NELFB: variants seen among roughly 807,000 people sequenced by gnomAD.
NELFB encodes the protein negative elongation factor complex member B.
In NELFB, 34 loss-of-function variants were observed where a neutral mutation model predicts 60.2. The observed-to-expected ratio is 0.56, with a 90% CI of 0.43 to 0.75. The LOEUF is 0.75. Among genes scored for constraint, NELFB ranks in the 30% least tolerant of loss-of-function variants. The pLI is 0.00. For synonymous variants in NELFB, 459 were observed against 382.1 expected (o/e 1.20, Z -2.35); for missense variants, 770 against 831.6 (o/e 0.93, Z 0.91).
At position 137,256,861 on chromosome 9, in the gene NELFB, A is replaced by G; in HGVS notation, c.548A>G (p.Lys183Arg). The G allele has an allele frequency of 3.1e-6, 5 of 1,614,164 alleles. No homozygotes were observed. The highest frequency in any genetic ancestry group is 4.2e-6 in the Non-Finnish European group (5 of 1,180,024). ...AAACTGAAGCTGGTTATGGCTGACA[A>G]GGAGCTGTATCGAGCCTGCGCCGTG... The change falls in exon 4 of 13, where the codon AAG becomes AGG. Residue 183 changes from lysine (K) to arginine (R), a missense_variant. Lys to Arg is a conservative substitution (Grantham distance 26, BLOSUM62 2). Transcript: ENST00000343053.
intron 5 of NELFB, among the ~76,000 whole-genome samples, chr9:137,263,637 T>G (rs1830483587): frequency 6.6e-6 from 1 of 151,682 alleles, no homozygotes; most frequent in Admixed American, 6.6e-5. Flanking sequence ...TGCTGGCCCT[T>G]TGGCTTCTCT....
chr9:137,260,210 C>A (rs1298613032), intron 4 of NELFB, among the ~76,000 whole-genome samples: 1 of 150,266 alleles, frequency 6.7e-6, no homozygotes, highest in Non-Finnish European at 1.5e-5. Context: ...CCACCACGCC[C>A]AGCTATGTTT....
Position 137,272,803 on chromosome 9 carries a change from C to T in NELFB, c.1762C>T (p.Leu588Phe). The stretch of plus-strand genomic sequence containing the variant: ...GCAGAGCGGAGAGGCAGTGAAGGAG[C>T]TTTACTCCCAGCTCGGCGAGAAGCT... The change falls in exon 13 of 13, where the codon CTT (leucine) becomes TTT (phenylalanine). Residue 588 changes from leucine (L) to phenylalanine (F), a missense_variant. By Grantham distance (22) the Leu-to-Phe change is conservative. Coordinates refer to ENST00000343053, the MANE Select transcript of NELFB (RefSeq NM_015456.5). 6.5e-7 allele frequency: 1 copy of T among 1,549,620 alleles called. No homozygotes were observed. The highest frequency in any genetic ancestry group is 8.7e-7 in the Non-Finnish European group (1 of 1,146,400).
rs368933503 is a variant in NELFB at position 137,265,803 on chromosome 9, C to T, written c.1041-74C>T. 824 of 982,370 alleles carry T rather than the reference C, an allele frequency of 8.4e-4. 4 individuals carry two copies. The African/African-American group carries it at 0.011, about 13-fold the overall frequency. The allele number at this position is 982,370 out of a possible 1,614,324, so 60.9% of individuals were successfully genotyped here. On this transcript the variant is annotated intron_variant, in intron 6 of 12. Coordinates refer to ENST00000343053, the MANE Select transcript of NELFB (RefSeq NM_015456.5). ...CCAGTCCTGAATTCAGCCTAGGCCA[C>T]CCCTCCTGAGGACTGTGCCGCTGAA...
At chr9:137,262,358 C>G (rs1036341801) in intron 4 of NELFB, among the ~76,000 whole-genome samples, 1 of 152,228 alleles carries the variant, frequency 6.6e-6, no homozygotes, top group Admixed American at 6.5e-5. Flanking sequence ...TTCCCAGATG[C>G]TGGCGTCACC....
At position 137,263,206 on chromosome 9, in the gene NELFB, T is replaced by G; in HGVS notation, c.911T>G (p.Val304Gly). The stretch of plus-strand genomic sequence containing the variant: ...CTGGACGTGGGTGAAATCTGCACCG[T>G]GGACCCGTGCCACAAGGTAGCACTG... Residue 304 changes from valine to glycine, a missense_variant, in exon 5 of 13, where the codon GTG (valine) becomes GGG (glycine). Physicochemically the swap from Val to Gly is moderately radical, Grantham distance 109 (BLOSUM62 -3). Transcript: ENST00000343053. 1 of 1,611,810 alleles carries G rather than the reference T, an allele frequency of 6.2e-7. No individual in the cohort carries two copies.
At chr9:137,268,313 C>T (rs1171232842) in intron 10 of NELFB, among the ~76,000 whole-genome samples, 3 of 152,092 alleles carry the variant, frequency 2.0e-5, no homozygotes, top group East Asian at 1.9e-4. Context: ...CGGCCGGGCA[C>T]GGTGGCTCAG....
chr9:137,259,085 G>A (rs760944558), intron 4 of NELFB, among the ~76,000 whole-genome samples: 30 of 152,186 alleles, frequency 2.0e-4, no homozygotes, highest in Non-Finnish European at 4.0e-4. Flanking sequence ...CAACTACTCA[G>A]GAGGCTGAAG....
chr9:137,266,000 C>T (rs1300702734), intron 7 of NELFB, 21 bp downstream of exon 7: 4 of 1,570,952 alleles, frequency 2.5e-6, no homozygotes, highest in Non-Finnish European at 1.8e-6. Flanking sequence ...GCTTGGCCAG[C>T]AGCTGTCGGG....
chr9:137,272,606 T>G lies in NELFB; in HGVS notation c.1731T>G (p.Pro577=). Residue 577 remains proline (P), a synonymous_variant, in exon 12 of 13, where the codon CCT becomes CCG. Transcript: ENST00000343053. The stretch of plus-strand genomic sequence containing the variant: ...AGGCGTTGCAGAAGGCCCTGGAGCC[T>G]ACAGGCCAGGTGGGTGCCCGGGGGG... 6.3e-7 allele frequency: 1 copy of G among 1,598,860 alleles called. No individual in the cohort carries two copies. Among genetic ancestry groups the G allele is most frequent in the Non-Finnish European group, 8.5e-7 (1 of 1,173,356 alleles).
At chr9:137,259,687 A>G (rs1830402453) in intron 4 of NELFB, among the ~76,000 whole-genome samples, 1 of 149,340 alleles carries the variant, frequency 6.7e-6, no homozygotes, top group African/African-American at 2.4e-5. Flanking sequence ...GTTTTATTTT[A>G]CTACTTTTTA....
chr9:137,270,002 G>A (rs957303252), intron 10 of NELFB, among the ~76,000 whole-genome samples: 14 of 152,154 alleles, frequency 9.2e-5, no homozygotes, highest in Non-Finnish European at 2.1e-4. Flanking sequence ...GGGAATTTGT[G>A]AAAGAATACG....
intron 10 of NELFB, among the ~76,000 whole-genome samples, chr9:137,270,372 C>T (rs1830569608): frequency 6.6e-6 from 1 of 151,572 alleles, no homozygotes; most frequent in African/African-American, 2.4e-5. Context: ...GGGTGGATCA[C>T]CTGAGGTCAG....
intron 1 of NELFB, 92 bp from the exon 2 acceptor site, chr9:137,255,815 G>C (rs1837541330): frequency 3.2e-6 from 5 of 1,558,880 alleles, no homozygotes; most frequent in Non-Finnish European, 4.3e-6. Flanking sequence ...GCACGGCTGG[G>C]AACACCTGGG....
chr9:137,269,782 GTTTC>G lies in NELFB; in HGVS notation c.1490-2293_1490-2290del, dbSNP rs1016151517. ...CCTGGGAGGCCTTCCGTGCGCTTCT[GTTTC>G]TTTCTCTCATTTGATTGTGGCTAGA... is the stretch of plus-strand genomic sequence containing the variant. On this transcript the variant is annotated intron_variant, in intron 10 of 12. Transcript: ENST00000343053. The surrounding 1 kb of genome is among the most constrained non-coding windows in gnomAD (Gnocchi z 5.3). 2.0e-5 allele frequency among the ~76,000 whole-genome samples: 3 copies of G among 152,156 alleles called. No homozygotes were observed. The highest frequency in any genetic ancestry group is 7.2e-5 in the African/African-American group (3 of 41,428).
chr9:137,268,632 G>T (rs1830547678), intron 10 of NELFB, among the ~76,000 whole-genome samples: 2 of 152,206 alleles, frequency 1.3e-5, no homozygotes, highest in Non-Finnish European at 2.9e-5. Context: ...GGGCTGGGAT[G>T]GGAAGTCCGA....
At chr9:137,263,717 TC>T (rs1363089589) in intron 5 of NELFB, among the ~76,000 whole-genome samples, 4 of 151,968 alleles carry the variant, frequency 2.6e-5, no homozygotes, top group Non-Finnish European at 5.9e-5. Flanking sequence ...TCCCGGGGAC[TC>T]CCTTGCCCCG....
At chr9:137,260,029 C>T in intron 4 of NELFB, among the ~76,000 whole-genome samples, 1 of 141,968 alleles carries the variant, frequency 7.0e-6, no homozygotes. Flanking sequence ...CGTGCCTGGC[C>T]TATTTTTATT....
chr9:137,272,325 A>G, intron 11 of NELFB, 103 bp downstream of exon 11: 1 of 1,550,494 alleles, frequency 6.4e-7, no homozygotes, highest in East Asian at 2.3e-5. Context: ...GAGGGTCCGC[A>G]GGTGGGTCTG....
Sources: allele counts gnomAD v4.1 joint callset (sites outside exome capture counted in the v4.1 genomes callset), GRCh38; gene constraint gnomAD v4.1.1; non-coding constraint Gnocchi (gnomAD v3.1); transcripts MANE v1.5; gene names NCBI Gene and HGNC (gene_info 2026-07-23, HGNC 2026-07-21).